The following IQCF1 variants were observed in gnomAD, a reference collection of about 807,000 sequenced individuals.
The protein encoded by IQCF1 is IQ domain-containing protein F1.
A neutral mutation model predicts 12.5 loss-of-function variants in IQCF1; 9 were observed. That is an observed-to-expected ratio of 0.72 (90% CI 0.43 to 1.26). The LOEUF is 1.26. Among genes scored for constraint, IQCF1 ranks in the 50% most tolerant of loss-of-function variants. The pLI, the probability that IQCF1 is intolerant of heterozygous loss-of-function variation, is 0.00. For synonymous variants in IQCF1, 67 were observed against 96.2 expected (o/e 0.70, Z 1.78); for missense variants, 252 against 257.4 (o/e 0.98, Z 0.14).
At chr3:51,898,019 AGT>A (rs1699031703) in intron 2 of IQCF1, among the ~76,000 whole-genome samples, 1 of 152,234 alleles carries the variant, frequency 6.6e-6, no homozygotes, top group East Asian at 1.9e-4. Context: ...ACAAACCTCC[AGT>A]AGTAAGAAAA....
rs1445969721 is a variant in IQCF1 at position 51,902,780 on chromosome 3, G to A, written c.108+205C>T. ...ACCCCTTCCCCTCCCTTGTCCAAGTGTGCACTCACCATTGCTCCATCTGTA... is the reference window on the plus strand; with the variant it reads ...ACCCCTTCCCCTCCCTTGTCCAAGTATGCACTCACCATTGCTCCATCTGTA... On this transcript the variant is annotated intron_variant, in intron 2 of 3. Coordinates refer to ENST00000310914, the MANE Select transcript of IQCF1 (RefSeq NM_152397.3). 5 of 587,366 alleles carry A rather than the reference G, an allele frequency of 8.5e-6. No homozygotes were observed. The Admixed American group carries it at 1.0e-4, about 12-fold the overall frequency. The allele number at this position is 587,366 out of a possible 1,614,324, so 36.4% of individuals were successfully genotyped here. A position where few individuals can be genotyped will look rare whatever the true frequency, so the allele number is the denominator to read the frequency against.
chr3:51,901,603 C>A (rs1699076487), intron 2 of IQCF1, among the ~76,000 whole-genome samples: 1 of 152,208 alleles, frequency 6.6e-6, no homozygotes, highest in South Asian at 2.1e-4. Context: ...TTTCATCAAC[C>A]AGAGGAAGGA....
chr3:51,900,419 A>G lies in IQCF1; in HGVS notation c.108+2566T>C, dbSNP rs906504156. On this transcript the variant is annotated intron_variant, in intron 2 of 3. Transcript: ENST00000310914. The surrounding 1 kb of genome is among the most constrained non-coding windows in gnomAD (Gnocchi z 4.2). ...TATTGCTGACCATCTAGTTATTAACATAACCAAGTCAATTTCACTTCAAAC... is the reference window on the plus strand; with the variant it reads ...TATTGCTGACCATCTAGTTATTAACGTAACCAAGTCAATTTCACTTCAAAC... Among the ~76,000 whole-genome samples the G allele has an allele frequency of 4.6e-5, 7 of 152,248 alleles. No individual in the cohort carries two copies. Among genetic ancestry groups the G allele is most frequent in the African/African-American group, 1.7e-4 (7 of 41,466 alleles).
rs114424516 is a variant in IQCF1, at chr3:51,900,277, C to T, written c.108+2708G>A. ...ACTCACCACACCTGAGTCAAGAAAG[C>T]GCCACCCCTTCCAGAGTCACGGGCC... is the stretch of plus-strand genomic sequence containing the variant. On this transcript the variant is annotated intron_variant, in intron 2 of 3. Transcript: ENST00000310914. This position sits in a 1 kb window ranked among gnomAD's most constrained non-coding sequence, Gnocchi z 4.2. Among the ~76,000 whole-genome samples, 2,434 of 152,228 alleles carry T rather than the reference C, an allele frequency of 0.016. 27 individuals are homozygous for T. The highest frequency in any genetic ancestry group is 0.024 in the Middle Eastern group (7 of 294).
Position 51,897,688 on chromosome 3 carries a change from G to A in IQCF1, c.109-794C>T, listed in dbSNP as rs1699025978. Among the ~76,000 whole-genome samples, 3 of 152,336 alleles carry A rather than the reference G, an allele frequency of 2.0e-5. 1 individual carries two copies. In the South Asian group the frequency reaches 6.2e-4, roughly 32 times the overall value. On this transcript the variant is annotated intron_variant, in intron 2 of 3. Coordinates refer to ENST00000310914, the MANE Select transcript of IQCF1 (RefSeq NM_152397.3). Reference sequence around the variant, plus strand: ...CAAGGAAGGAGAAGCTGTGGGAGCCGATAAAGTACTTCCTTGGTGGTCAAA... The same window carrying A: ...CAAGGAAGGAGAAGCTGTGGGAGCCAATAAAGTACTTCCTTGGTGGTCAAA...
At chr3:51,901,752 A>G (rs1307446177) in intron 2 of IQCF1, among the ~76,000 whole-genome samples, 1 of 152,246 alleles carries the variant, frequency 6.6e-6, no homozygotes, top group East Asian at 1.9e-4. Flanking sequence ...ATTTGAGTCA[A>G]TATTTTGTTG....
rs773404846 is a variant in IQCF1 at position 51,895,360 on chromosome 3, T to G, written c.172-24A>C. ...GGCTTTCAAGAAAAAAAGAGGGACC[T>G]TCAGAGAATGCTCCCCACTGGCTTC... On this transcript the variant is annotated intron_variant, in intron 3 of 3. Coordinates refer to ENST00000310914, the MANE Select transcript of IQCF1 (RefSeq NM_152397.3). This position sits in a 1 kb window ranked among gnomAD's most constrained non-coding sequence, Gnocchi z 4.8. The G allele has an allele frequency of 6.3e-7, 1 of 1,587,410 alleles. No homozygotes were observed. The highest frequency in any genetic ancestry group is 1.1e-5 in the South Asian group (1 of 87,622).
chr3:51,902,306 C>T (rs1170494869), intron 2 of IQCF1, among the ~76,000 whole-genome samples: 2 of 152,132 alleles, frequency 1.3e-5, no homozygotes, highest in African/African-American at 4.8e-5. Flanking sequence ...TCAAGCAGAA[C>T]ATCTAAGCCA....
Position 51,900,232 on chromosome 3 carries a change from G to A in IQCF1, c.108+2753C>T, listed in dbSNP as rs1699059244. On this transcript the variant is annotated intron_variant, in intron 2 of 3. Transcript: ENST00000310914. The surrounding 1 kb of genome is among the most constrained non-coding windows in gnomAD (Gnocchi z 4.2). ...GCTGCTAACCACCGAGACTGCTGTT[G>A]TACAGCGGAAAGGGGATGGACTCAC... Among the ~76,000 whole-genome samples, 1 of 152,104 alleles carries A rather than the reference G, an allele frequency of 6.6e-6. No individual in the cohort carries two copies. Among genetic ancestry groups the A allele is most frequent in the Admixed American group, 6.5e-5 (1 of 15,278 alleles).
At chr3:51,902,128 C>A (rs1699081605) in intron 2 of IQCF1, among the ~76,000 whole-genome samples, 1 of 152,182 alleles carries the variant, frequency 6.6e-6, no homozygotes, top group Admixed American at 6.5e-5. Context: ...ATTATAGCCT[C>A]AATTCTCACT....
intron 1 of IQCF1, 35 bp from the exon 2 acceptor site, chr3:51,903,124 G>GGA: frequency 6.2e-7 from 1 of 1,605,130 alleles, no homozygotes; most frequent in Non-Finnish European, 8.5e-7. Flanking sequence ...CAAGAGTGAG[G>GGA]CTGCGGTCCC....
rs1287075788 is a variant in IQCF1 at position 51,899,333 on chromosome 3, T to G, written c.109-2439A>C. Among the ~76,000 whole-genome samples, 2 of 152,210 alleles carry G rather than the reference T, an allele frequency of 1.3e-5. 1 individual carries two copies. The highest frequency in any genetic ancestry group is 6.3e-3 in the Middle Eastern group (2 of 316). ...AAAATTGAGGCATGTTGAAGAATTA[T>G]CTGTGAAAGTCATGAAAAAAAAGTT... On this transcript the variant is annotated intron_variant, in intron 2 of 3. Coordinates refer to ENST00000310914, the MANE Select transcript of IQCF1 (RefSeq NM_152397.3).
rs1425236960 is a variant in IQCF1, at chr3:51,903,103, TA to T, written c.4-15del. 1 of 1,612,540 alleles carries T rather than the reference TA, an allele frequency of 6.2e-7. No individual in the cohort carries two copies. Among genetic ancestry groups the T allele is most frequent in the Non-Finnish European group, 8.5e-7 (1 of 1,178,536 alleles). ...CTGCTTCTCCTCCTGCAATCAGCAT[TA>T]GGGGAAAGGCAAGAGTGAGGCTGCG... is the stretch of plus-strand genomic sequence containing the variant. On this transcript the variant is annotated splice_polypyrimidine_tract_variant and intron_variant, in intron 1 of 3. Transcript: ENST00000310914.
At position 51,894,978 on chromosome 3, in the gene IQCF1, G is replaced by C. The variant is rs1247939228; in HGVS notation, c.530C>G (p.Ala177Gly). The change falls in exon 4 of 4, where the codon GCC becomes GGC. Residue 177 changes from alanine to glycine, a missense_variant. Physicochemically the swap from Ala to Gly is moderately conservative, Grantham distance 60 (BLOSUM62 0). Coordinates refer to ENST00000310914, the MANE Select transcript of IQCF1 (RefSeq NM_152397.3). Reference sequence around the variant, plus strand: ...CTCCAGCTGGAGATGCAGCTGGTTGGCTGTGACTCTGTACTGGCCCTTGAT... The same window carrying C: ...CTCCAGCTGGAGATGCAGCTGGTTGCCTGTGACTCTGTACTGGCCCTTGAT... Reference protein sequence around the residue: ...GFIKGQYRVTANQLHLQLEIL... With the variant: ...GFIKGQYRVTGNQLHLQLEIL... The C allele has an allele frequency of 6.2e-7, 1 of 1,614,232 alleles. No homozygotes were observed. The highest frequency in any genetic ancestry group is 1.1e-5 in the South Asian group (1 of 91,078).
At chr3:51,899,441 T>G (rs1466068871) in intron 2 of IQCF1, among the ~76,000 whole-genome samples, 1 of 152,150 alleles carries the variant, frequency 6.6e-6, no homozygotes, top group East Asian at 1.9e-4. Context: ...AAGAAACAGT[T>G]TATGTGCAAG....
Position 51,903,329 on chromosome 3 carries a change from C to T in IQCF1, c.-57G>A. On this transcript the variant is annotated 5_prime_UTR_variant, in exon 1 of 4. Transcript: ENST00000310914. ...AAATCCCCTCACATCTGTGTTCATCCAGCCATAGCATAGGCAGGAAGGGTG... is the reference window on the plus strand; with the variant it reads ...AAATCCCCTCACATCTGTGTTCATCTAGCCATAGCATAGGCAGGAAGGGTG... The T allele has an allele frequency of 1.9e-6, 3 of 1,599,014 alleles. No individual in the cohort carries two copies. In the South Asian group the frequency reaches 3.3e-5, roughly 18 times the overall value.
intron 2 of IQCF1, among the ~76,000 whole-genome samples, chr3:51,897,554 C>T (rs577943490): frequency 2.3e-4 from 35 of 152,270 alleles, no homozygotes; most frequent in African/African-American, 8.2e-4. Context: ...AGGACCCACC[C>T]AGTGTGAGGA....
chr3:51,900,631 G>A lies in IQCF1; in HGVS notation c.108+2354C>T, dbSNP rs999239702. Reference sequence around the variant, plus strand: ...GTGTCAACCAGGAGTCTTGCCCCGCGATGTAGAGCTTTTATACCATAGTTG... The same window carrying A: ...GTGTCAACCAGGAGTCTTGCCCCGCAATGTAGAGCTTTTATACCATAGTTG... On this transcript the variant is annotated intron_variant, in intron 2 of 3. Transcript: ENST00000310914. The surrounding 1 kb of genome is among the most constrained non-coding windows in gnomAD (Gnocchi z 4.2). Among the ~76,000 whole-genome samples, 1 of 152,156 alleles carries A rather than the reference G, an allele frequency of 6.6e-6. No individual in the cohort carries two copies. The highest frequency in any genetic ancestry group is 1.5e-5 in the Non-Finnish European group (1 of 68,036).
intron 2 of IQCF1, among the ~76,000 whole-genome samples, chr3:51,898,914 C>G (rs909232628): frequency 6.6e-6 from 1 of 152,236 alleles, no homozygotes; most frequent in Admixed American, 6.5e-5. Context: ...TTGCTCAAAC[C>G]TGCAAGCTGT....
Sources: allele counts gnomAD v4.1 joint callset (sites outside exome capture counted in the v4.1 genomes callset), GRCh38; gene constraint gnomAD v4.1.1; non-coding constraint Gnocchi (gnomAD v3.1); transcripts MANE v1.5; gene names NCBI Gene and HGNC (gene_info 2026-07-23, HGNC 2026-07-21).